The following PRMT3 variants were observed in gnomAD, a reference collection of about 807,000 sequenced individuals.
PRMT3 encodes the protein protein arginine N-methyltransferase 3.
A neutral mutation model predicts 71.9 loss-of-function variants in PRMT3; 62 were observed. That is an observed-to-expected ratio of 0.86 (90% CI 0.70 to 1.07). The LOEUF (loss-of-function observed/expected upper bound fraction) is 1.07, where lower values mean the gene tolerates loss of function less well. PRMT3 is among the 50% of genes least tolerant of loss of function. The pLI, the probability that PRMT3 is intolerant of heterozygous loss-of-function variation, is 0.00. For missense variants in PRMT3, 663 were observed against 643.0 expected, an observed-to-expected ratio of 1.03 and a Z score of -0.34; for synonymous variants, 213 against 220.4, an observed-to-expected ratio of 0.97 and a Z score of 0.30.
At chr11:20,483,005 C>A (rs1393112639) in intron 13 of PRMT3, among the ~76,000 whole-genome samples, 1 of 151,986 alleles carries the variant, frequency 6.6e-6, no homozygotes, top group Non-Finnish European at 1.5e-5. Flanking sequence ...TTCTACCTTA[C>A]TTTTCAAAAG....
intron 10 of PRMT3, among the ~76,000 whole-genome samples, chr11:20,440,575 A>G (rs1849870948): frequency 6.6e-6 from 1 of 152,036 alleles, no homozygotes; most frequent in Admixed American, 6.5e-5. Flanking sequence ...GACACATTTA[A>G]GAGCATGAAA....
At chr11:20,418,170 T>G (rs1430936083) in intron 9 of PRMT3, among the ~76,000 whole-genome samples, 1 of 152,210 alleles carries the variant, frequency 6.6e-6, no homozygotes, top group African/African-American at 2.4e-5. Context: ...TGAAGAGAAT[T>G]ACTTAAAGAT....
At chr11:20,507,066 C>T (rs1032639222) in intron 15 of PRMT3, among the ~76,000 whole-genome samples, 2 of 152,126 alleles carry the variant, frequency 1.3e-5, no homozygotes, top group African/African-American at 4.8e-5. Flanking sequence ...ATTTTCAGTT[C>T]CTCAAAATGC....
intron 11 of PRMT3, among the ~76,000 whole-genome samples, chr11:20,460,039 G>GT (rs1850348425): frequency 6.6e-6 from 1 of 152,166 alleles, no homozygotes. Flanking sequence ...GTACTACGTA[G>GT]TTTTTTCTGA....
intron 11 of PRMT3, among the ~76,000 whole-genome samples, chr11:20,459,163 G>C (rs114638756): frequency 0.011 from 1,700 of 152,288 alleles, 42 homozygotes; most frequent in African/African-American, 0.039. Flanking sequence ...ACTGGCAGCA[G>C]GCTGGATTTG....
chr11:20,498,451 G>A (rs1010106482), intron 15 of PRMT3, among the ~76,000 whole-genome samples: 2 of 152,256 alleles, frequency 1.3e-5, no homozygotes, highest in Non-Finnish European at 2.9e-5. Context: ...AAAACTGGCC[G>A]GGCGTGATTG....
intron 10 of PRMT3, among the ~76,000 whole-genome samples, chr11:20,444,850 T>G (rs1347349965): frequency 6.6e-6 from 1 of 152,124 alleles, no homozygotes; most frequent in African/African-American, 2.4e-5. Flanking sequence ...CTACCTATAG[T>G]TCAGGGTTGT....
intron 13 of PRMT3, among the ~76,000 whole-genome samples, chr11:20,482,262 G>A (rs191004064): frequency 6.4e-4 from 98 of 152,096 alleles, no homozygotes; most frequent in African/African-American, 2.3e-3. Flanking sequence ...TGATTCTAAA[G>A]CCTCCAAGTG....
chr11:20,459,367 G>A (rs1044617756), intron 11 of PRMT3, among the ~76,000 whole-genome samples: 1 of 152,180 alleles, frequency 6.6e-6, no homozygotes, highest in African/African-American at 2.4e-5. Flanking sequence ...ACTCCCTGAA[G>A]TAGGACCATA....
intron 9 of PRMT3, among the ~76,000 whole-genome samples, chr11:20,420,485 C>G (rs1176667895): frequency 6.6e-6 from 1 of 152,136 alleles, no homozygotes; most frequent in African/African-American, 2.4e-5. Context: ...GGTGAGTGAA[C>G]ATAATCGTCT....
At chr11:20,501,508 G>A (rs924568014) in intron 15 of PRMT3, among the ~76,000 whole-genome samples, 1 of 151,942 alleles carries the variant, frequency 6.6e-6, no homozygotes, top group African/African-American at 2.4e-5. Flanking sequence ...ACCTTGGTGT[G>A]GCTGAAAAAG....
At chr11:20,480,865 G>A (rs1850915025) in intron 13 of PRMT3, among the ~76,000 whole-genome samples, 1 of 152,066 alleles carries the variant, frequency 6.6e-6, no homozygotes, top group Admixed American at 6.6e-5. Flanking sequence ...AATTGGAAGA[G>A]CAAATTTAGA....
Position 20,387,821 on chromosome 11 carries a change from G to T in PRMT3, c.28+47G>T, listed in dbSNP as rs773777719. 2.6e-5 allele frequency: 40 copies of T among 1,539,610 alleles called. 1 individual carries two copies. Among genetic ancestry groups the T allele is most frequent in the South Asian group, 1.8e-4 (15 of 83,838 alleles). On this transcript the variant is annotated intron_variant, in intron 1 of 15. Coordinates refer to ENST00000331079, the MANE Select transcript of PRMT3 (RefSeq NM_005788.4). The surrounding 1 kb of genome is among the most constrained non-coding windows in gnomAD (Gnocchi z 4.3). ...CACCCGGCTCGTCCAGCCCCAGGCC[G>T]CGCCGCTGTGGGGCCGGTGGAAGAC...
intron 4 of PRMT3, 57 bp downstream of exon 4, chr11:20,392,317 A>C: frequency 6.7e-7 from 1 of 1,496,010 alleles, no homozygotes; most frequent in Admixed American, 2.0e-5. Flanking sequence ...TGCTACAGTG[A>C]CTGTCAGTGT....
At chr11:20,502,675 G>A (rs1010855218) in intron 15 of PRMT3, among the ~76,000 whole-genome samples, 8 of 152,084 alleles carry the variant, frequency 5.3e-5, no homozygotes, top group East Asian at 1.9e-4. Context: ...TAAGCACTAT[G>A]GAACATTTCT....
Position 20,387,721 on chromosome 11 carries a change from C to A in PRMT3, c.-26C>A. 6.6e-7 allele frequency: 1 copy of A among 1,523,424 alleles called. No individual in the cohort carries two copies. The allele number at this position is 1,523,424 out of a possible 1,614,324, so 94.4% of individuals were successfully genotyped here. ...CCAACCCGGTCCCCGCCCCCAGACA[C>A]GCCGGGCTCTCGGGGCACCACAGCC... On this transcript the variant is annotated 5_prime_UTR_variant, in exon 1 of 16. Transcript: ENST00000331079. This position sits in a 1 kb window ranked among gnomAD's most constrained non-coding sequence, Gnocchi z 4.3.
chr11:20,458,213 T>C (rs1365129880), intron 11 of PRMT3, among the ~76,000 whole-genome samples: 1 of 152,210 alleles, frequency 6.6e-6, no homozygotes, highest in Admixed American at 6.5e-5. Context: ...ACTTATTTAC[T>C]ATCTCCTTTG....
chr11:20,433,499 T>A (rs1017717511), intron 10 of PRMT3, among the ~76,000 whole-genome samples: 2 of 152,222 alleles, frequency 1.3e-5, no homozygotes, highest in Admixed American at 6.5e-5. Context: ...ATCTTTGTTA[T>A]TGTGAATAAT....
At chr11:20,481,951 TAAG>T (rs1209724896) in intron 13 of PRMT3, among the ~76,000 whole-genome samples, 1 of 149,328 alleles carries the variant, frequency 6.7e-6, no homozygotes, top group South Asian at 2.1e-4. Context: ...AAAAAATTAT[TAAG>T]AAGATAACGT....
Sources: allele counts gnomAD v4.1 joint callset (sites outside exome capture counted in the v4.1 genomes callset), GRCh38; gene constraint gnomAD v4.1.1; non-coding constraint Gnocchi (gnomAD v3.1); transcripts MANE v1.5; gene names NCBI Gene and HGNC (gene_info 2026-07-23, HGNC 2026-07-21).